BRSK2: variants seen among roughly 807,000 people sequenced by gnomAD.
BRSK2 encodes the protein serine/threonine-protein kinase BRSK2.
In BRSK2, 19 loss-of-function variants were observed where a neutral mutation model predicts 83.3. The ratio of observed to expected loss-of-function variants is 0.23; its 90% CI spans 0.16 to 0.33. The LOEUF is 0.33. Among genes scored for constraint, BRSK2 ranks in the 10% least tolerant of loss-of-function variants. The pLI is 1.00. For missense variants in BRSK2, 798 were observed against 1,042.3 expected, an observed-to-expected ratio of 0.77 and a Z score of 3.23; for synonymous variants, 519 against 435.4, an observed-to-expected ratio of 1.19 and a Z score of -2.39.
intron 1 of BRSK2, among the ~76,000 whole-genome samples, chr11:1,429,460 C>A (rs1849702523): frequency 6.6e-6 from 1 of 152,166 alleles, no homozygotes; most frequent in Non-Finnish European, 1.5e-5. Context: ...AGGTGCATGT[C>A]TGTGTGCGTG....
chr11:1,419,687 C>A (rs1848462178), intron 1 of BRSK2, among the ~76,000 whole-genome samples: 1 of 152,160 alleles, frequency 6.6e-6, no homozygotes, highest in Non-Finnish European at 1.5e-5. Flanking sequence ...ATGGCGGGGC[C>A]TCACTTGAGG....
At position 1,450,793 on chromosome 11, in the gene BRSK2, A is replaced by G. The variant is rs766083887; in HGVS notation, c.1494A>G (p.Gln498=). The G allele has an allele frequency of 6.3e-7, 1 of 1,592,174 alleles. No individual in the cohort carries two copies. Among genetic ancestry groups the G allele is most frequent in the South Asian group, 1.1e-5 (1 of 88,578 alleles). ...GSPRFHRRKL[Q]VPTPEEMSNL... is the part of the protein sequence containing the mutation. ...CCCGCTTCCACCGCCGGAAACTGCA[A>G]GGTGAGTGTCTGCCCGGAGGCGCCA... Residue 498 remains glutamine, a splice_region_variant and synonymous_variant, in exon 14 of 20, where the codon CAA becomes CAG. Coordinates refer to ENST00000528841, the MANE Select transcript of BRSK2 (RefSeq NM_001256627.2).
At chr11:1,443,293 C>T in intron 6 of BRSK2, 42 bp from the exon 7 acceptor site, 1 of 1,574,226 alleles carries the variant, frequency 6.4e-7, no homozygotes, top group East Asian at 2.3e-5. Context: ...GGCCCCCGCC[C>T]TGCCCTGCGC....
intron 1 of BRSK2, among the ~76,000 whole-genome samples, chr11:1,433,503 C>G (rs1384015675): frequency 6.6e-6 from 1 of 152,260 alleles, no homozygotes; most frequent in Admixed American, 6.5e-5. Context: ...GGGCTCCATG[C>G]CCTTCGGACC....
chr11:1,412,694 G>A (rs1847655209), intron 1 of BRSK2, among the ~76,000 whole-genome samples: 1 of 152,210 alleles, frequency 6.6e-6, no homozygotes, highest in Non-Finnish European at 1.5e-5. Flanking sequence ...ACTGAGCCAG[G>A]GACAGTGGCT....
At chr11:1,448,252 T>C (rs1484530891) in intron 12 of BRSK2, among the ~76,000 whole-genome samples, 2 of 152,132 alleles carry the variant, frequency 1.3e-5, no homozygotes, top group Non-Finnish European at 2.9e-5. Flanking sequence ...CTGCAGGAGC[T>C]GAGGAGGGCA....
chr11:1,390,204 C>A lies in BRSK2; in HGVS notation c.-81C>A. 2 of 773,232 alleles carry A rather than the reference C, an allele frequency of 2.6e-6. No individual in the cohort carries two copies. The highest frequency in any genetic ancestry group is 3.1e-6 in the Non-Finnish European group (2 of 639,552). The allele number at this position is 773,232 out of a possible 1,614,324, so 47.9% of individuals were successfully genotyped here. ...CGGCCGGGTCGGCGCGGACGGCACT[C>A]GGCGGACGCGGGCGGACGCTGGGCG... On this transcript the variant is annotated 5_prime_UTR_variant, in exon 1 of 20. Coordinates refer to ENST00000528841, the MANE Select transcript of BRSK2 (RefSeq NM_001256627.2). This position sits in a 1 kb window ranked among gnomAD's most constrained non-coding sequence, Gnocchi z 6.8.
At chr11:1,417,748 C>T (rs1159612280) in intron 1 of BRSK2, among the ~76,000 whole-genome samples, 1 of 128,220 alleles carries the variant, frequency 7.8e-6, no homozygotes, top group Non-Finnish European at 1.6e-5. Context: ...GCTGTTTCTT[C>T]TCTTGAGAGT....
At chr11:1,415,218 C>G (rs1249106166) in intron 1 of BRSK2, among the ~76,000 whole-genome samples, 1 of 151,582 alleles carries the variant, frequency 6.6e-6, no homozygotes, top group Non-Finnish European at 1.5e-5. Flanking sequence ...CCTCAGCCTC[C>G]TGAGTAGCTG....
chr11:1,397,050 G>A (rs1303788870), intron 1 of BRSK2, among the ~76,000 whole-genome samples: 2 of 152,256 alleles, frequency 1.3e-5, no homozygotes, highest in Non-Finnish European at 2.9e-5. Flanking sequence ...CACATGGCTG[G>A]TCCTCTGTGC....
At position 1,454,367 on chromosome 11, in the gene BRSK2, GC is replaced by G; in HGVS notation, c.1545-116del. On this transcript the variant is annotated intron_variant, in intron 15 of 19. Transcript: ENST00000528841. The surrounding 1 kb of genome is among the most constrained non-coding windows in gnomAD (Gnocchi z 5.2). ...GGTTCTGGCTAGCACTGTGGAGACAGCCGTTTCTATCACGAAGCGATGGAAG... is the reference window on the plus strand; with the variant it reads ...GGTTCTGGCTAGCACTGTGGAGACAGCGTTTCTATCACGAAGCGATGGAAG... The G allele has an allele frequency of 8.0e-7, 1 of 1,254,152 alleles. No homozygotes were observed. Among genetic ancestry groups the G allele is most frequent in the Non-Finnish European group, 1.1e-6 (1 of 882,176 alleles). The allele number at this position is 1,254,152 out of a possible 1,614,324, so 77.7% of individuals were successfully genotyped here. A position where few individuals can be genotyped will look rare whatever the true frequency, so the allele number is the denominator to read the frequency against.
At chr11:1,449,485 G>A (rs1407363728) in intron 12 of BRSK2, among the ~76,000 whole-genome samples, 1 of 152,182 alleles carries the variant, frequency 6.6e-6, no homozygotes, top group Non-Finnish European at 1.5e-5. Context: ...CCCCCACGCT[G>A]GATGGTCCTT....
At chr11:1,407,550 A>G (rs7926201) in intron 1 of BRSK2, among the ~76,000 whole-genome samples, 107,610 of 151,908 alleles carry the variant, frequency 0.71, 38,631 homozygotes, top group Non-Finnish European at 0.76. Context: ...GGTGCCTCAG[A>G]CCCCACCTCT....
At chr11:1,441,191 GCGGCCCC>G (rs1851211132) in intron 4 of BRSK2, among the ~76,000 whole-genome samples, 1 of 54,930 alleles carries the variant, frequency 1.8e-5, no homozygotes, top group Non-Finnish European at 3.3e-5. Flanking sequence ...TCCCCCCATA[GCGGCCCC>G]TCAAGTGCAC....
chr11:1,396,168 G>C (rs7118115), intron 1 of BRSK2, among the ~76,000 whole-genome samples: 1 of 145,828 alleles, frequency 6.9e-6, no homozygotes, highest in Non-Finnish European at 1.5e-5. Flanking sequence ...GGACCCCTGC[G>C]TCCCCCGCTC....
intron 1 of BRSK2, among the ~76,000 whole-genome samples, chr11:1,435,113 T>G (rs1850108432): frequency 6.6e-6 from 1 of 150,496 alleles, no homozygotes; most frequent in Non-Finnish European, 1.5e-5. Flanking sequence ...GCCGTGGAGG[T>G]CTAGGGCAGT....
intron 1 of BRSK2, among the ~76,000 whole-genome samples, chr11:1,434,515 T>G (rs1269637601): frequency 1.4e-4 from 18 of 132,204 alleles, no homozygotes; most frequent in Non-Finnish European, 2.7e-4. Context: ...GGGCCGGCTC[T>G]GGGTGTCGGC....
chr11:1,437,589 C>T (rs1850494489), intron 2 of BRSK2, among the ~76,000 whole-genome samples: 1 of 152,182 alleles, frequency 6.6e-6, no homozygotes, highest in South Asian at 2.1e-4. Context: ...CAGCTGGGAG[C>T]CTGTGGATGG....
intron 1 of BRSK2, among the ~76,000 whole-genome samples, chr11:1,407,352 G>A (rs1047063698): frequency 6.6e-6 from 1 of 152,166 alleles, no homozygotes; most frequent in Non-Finnish European, 1.5e-5. Context: ...CAACACCGTG[G>A]TGTCCCCACA....
Sources: gnomAD v4.1 joint callset for allele counts (sites outside exome capture counted in the v4.1 genomes callset) on GRCh38, gnomAD v4.1.1 for gene constraint, Gnocchi (gnomAD v3.1) non-coding constraint, MANE v1.5 for transcripts, NCBI Gene and HGNC (gene_info 2026-07-23, HGNC 2026-07-21) for gene names.